VSTM2L: variants seen among roughly 807,000 people sequenced by gnomAD.
VSTM2L encodes V-set and transmembrane domain containing 2 like.
Under a neutral mutation model 19.9 loss-of-function variants are expected in VSTM2L, and 9 were observed. The observed-to-expected ratio is 0.45, with a 90% confidence interval of 0.27 to 0.79. VSTM2L has a LOEUF of 0.79. VSTM2L is among the 30% of genes least tolerant of loss of function. The pLI, the probability that VSTM2L is intolerant of heterozygous loss-of-function variation, is 0.15. For missense variants in VSTM2L, 286 were observed against 295.5 expected (o/e 0.97, Z 0.24); for synonymous variants, 127 against 133.8 (o/e 0.95, Z 0.35).
chr20:37,922,137 G>A (rs757180262), intron 1 of VSTM2L, among the ~76,000 whole-genome samples: 5 of 152,040 alleles, frequency 3.3e-5, no homozygotes, highest in Non-Finnish European at 1.5e-5. Flanking sequence ...CCACCATCCA[G>A]TCCAGAAATT....
chr20:37,919,359 G>T (rs993022084), intron 1 of VSTM2L, among the ~76,000 whole-genome samples: 1 of 152,226 alleles, frequency 6.6e-6, no homozygotes, highest in Non-Finnish European at 1.5e-5. Context: ...CCTGTCAGGG[G>T]CCAAGGGCTA....
At chr20:37,921,335 G>A (rs2072849915) in intron 1 of VSTM2L, among the ~76,000 whole-genome samples, 1 of 152,190 alleles carries the variant, frequency 6.6e-6, no homozygotes, top group African/African-American at 2.4e-5. Context: ...GCAGACTTTG[G>A]ATGCCGAGCC....
At chr20:37,942,239 C>G (rs1237082251) in intron 3 of VSTM2L, among the ~76,000 whole-genome samples, 1 of 152,126 alleles carries the variant, frequency 6.6e-6, no homozygotes, top group Non-Finnish European at 1.5e-5. Context: ...CCTGGCACTT[C>G]GGGAGGCTGA....
At chr20:37,933,421 G>A (rs1568841693) in intron 2 of VSTM2L, 118 bp from the exon 3 acceptor site, 9 of 825,058 alleles carry the variant, frequency 1.1e-5, no homozygotes, top group Non-Finnish European at 1.1e-5. Flanking sequence ...ATCTGCTGTC[G>A]TGAGAATCTT....
At chr20:37,906,618 C>T (rs1045569705) in intron 1 of VSTM2L, among the ~76,000 whole-genome samples, 2 of 152,196 alleles carry the variant, frequency 1.3e-5, no homozygotes, top group Non-Finnish European at 2.9e-5. Context: ...CAGTGACTTA[C>T]CCAAGGGTGC....
At chr20:37,920,472 C>A (rs1440513866) in intron 1 of VSTM2L, among the ~76,000 whole-genome samples, 1 of 152,230 alleles carries the variant, frequency 6.6e-6, no homozygotes, top group Non-Finnish European at 1.5e-5. Context: ...TTATTTATTG[C>A]CCTGTTTCAT....
chr20:37,936,620 G>A (rs997765046), intron 3 of VSTM2L, among the ~76,000 whole-genome samples: 1 of 152,192 alleles, frequency 6.6e-6, no homozygotes, highest in Non-Finnish European at 1.5e-5. Flanking sequence ...TTAGCCTTGT[G>A]AAGATTCAGA....
At chr20:37,912,493 C>T (rs1253969072) in intron 1 of VSTM2L, among the ~76,000 whole-genome samples, 1 of 152,142 alleles carries the variant, frequency 6.6e-6, no homozygotes, top group Non-Finnish European at 1.5e-5. Context: ...GTGTTTCTGT[C>T]TGACTGTGTG....
At chr20:37,938,006 C>T (rs1459631053) in intron 3 of VSTM2L, among the ~76,000 whole-genome samples, 2 of 152,082 alleles carry the variant, frequency 1.3e-5, no homozygotes, top group Non-Finnish European at 2.9e-5. Flanking sequence ...TGTCAGCCAC[C>T]GTGGGGACCA....
intron 1 of VSTM2L, among the ~76,000 whole-genome samples, chr20:37,925,306 A>G (rs545228952): frequency 6.6e-6 from 1 of 152,140 alleles, no homozygotes; most frequent in African/African-American, 2.4e-5. Flanking sequence ...TAGGACATCT[A>G]TCACTTTCTC....
chr20:37,909,197 G>A (rs1291739798), intron 1 of VSTM2L, among the ~76,000 whole-genome samples: 1 of 152,210 alleles, frequency 6.6e-6, no homozygotes. Flanking sequence ...AGCAGCAGTG[G>A]GAACAGAATG....
At chr20:37,906,055 G>A (rs1431655992) in intron 1 of VSTM2L, among the ~76,000 whole-genome samples, 1 of 138,988 alleles carries the variant, frequency 7.2e-6, no homozygotes, top group East Asian at 2.4e-4. Context: ...CTGGGGGTGG[G>A]GGGTGGGGGC....
rs2295379 is a variant in VSTM2L, at chr20:37,945,118, C to T, written c.*865C>T. 1,401 of 985,804 alleles carry T rather than the reference C, an allele frequency of 1.4e-3. 23 individuals are homozygous for T. The East Asian group carries it at 0.051, about 36-fold the overall frequency. The allele number at this position is 985,804 out of a possible 1,614,324, so 61.1% of individuals were successfully genotyped here. ...GTTGGGAGCCAAGGGCCCCCTGGTA[C>T]TCAGTTCCCTCACGATTCCCGATCA... On this transcript the variant is annotated 3_prime_UTR_variant, in exon 4 of 4. Coordinates refer to ENST00000373461, the MANE Select transcript of VSTM2L (RefSeq NM_080607.3).
chr20:37,914,982 A>G (rs1236972723), intron 1 of VSTM2L, among the ~76,000 whole-genome samples: 1 of 152,190 alleles, frequency 6.6e-6, no homozygotes, highest in Non-Finnish European at 1.5e-5. Context: ...GAGGTTTTAA[A>G]AAAATCATTT....
intron 1 of VSTM2L, among the ~76,000 whole-genome samples, chr20:37,904,396 G>A (rs566443644): frequency 6.6e-6 from 1 of 152,326 alleles, no homozygotes; most frequent in South Asian, 2.1e-4. Context: ...TGTGGAAGCC[G>A]GGGAGCAGAC....
rs187766606 is a variant in VSTM2L at position 37,910,665 on chromosome 20, A to G, written c.121+7194A>G. ...GCGGTGGCTCACACCTGTAATCCCA[A>G]TGACTCAGGAGGCTGGGGCTGGAGG... On this transcript the variant is annotated intron_variant, in intron 1 of 3. Transcript: ENST00000373461. Among the ~76,000 whole-genome samples the G allele has an allele frequency of 3.1e-3, 468 of 151,138 alleles. 7 individuals carry two copies. The highest frequency in any genetic ancestry group is 9.7e-3 in the African/African-American group (401 of 41,130).
rs530820487 is a variant in VSTM2L, at chr20:37,928,968, T to G, written c.122-2667T>G. ...TTCAGGTCCTCAGTCACATTTCAAG[T>G]GCTCAGCAGACACAGGTGACTGCTA... On this transcript the variant is annotated intron_variant, in intron 1 of 3. Coordinates refer to ENST00000373461, the MANE Select transcript of VSTM2L (RefSeq NM_080607.3). Among the ~76,000 whole-genome samples, 13 of 152,364 alleles carry G rather than the reference T, an allele frequency of 8.5e-5. No individual in the cohort carries two copies. In the South Asian group the frequency reaches 2.7e-3, roughly 32 times the overall value.
intron 3 of VSTM2L, among the ~76,000 whole-genome samples, chr20:37,934,790 C>T (rs1382645922): frequency 6.6e-6 from 1 of 152,234 alleles, no homozygotes; most frequent in South Asian, 2.1e-4. Context: ...GAGGAGGCTT[C>T]TGCAGCCCCT....
Position 37,944,078 on chromosome 20 carries a change from T to A in VSTM2L, c.440T>A (p.Phe147Tyr), listed in dbSNP as rs1475908220. 6.2e-7 allele frequency: 1 copy of A among 1,612,996 alleles called. No homozygotes were observed. The highest frequency in any genetic ancestry group is 2.2e-5 in the East Asian group (1 of 44,846). The change falls in exon 4 of 4, where the codon TTC becomes TAC. Residue 147 changes from phenylalanine to tyrosine, a missense_variant. Phe to Tyr is a conservative substitution (Grantham distance 22, BLOSUM62 3). Transcript: ENST00000373461. Reference sequence around the variant, plus strand: ...ACCTACGAGTGCCGCGTCATCGACTTCAGCGACGGCAAGGCCCGGCACCAC... The same window carrying A: ...ACCTACGAGTGCCGCGTCATCGACTACAGCGACGGCAAGGCCCGGCACCAC... The part of the protein sequence containing the change: ...EGTYECRVID[F>Y]SDGKARHHKV...
Sources: gnomAD v4.1 joint callset for allele counts (sites outside exome capture counted in the v4.1 genomes callset) on GRCh38, gnomAD v4.1.1 for gene constraint, MANE v1.5 for transcripts, NCBI Gene and HGNC (gene_info 2026-07-23, HGNC 2026-07-21) for gene names.